RALYL: variants seen among roughly 807,000 people sequenced by gnomAD.
RALYL encodes the protein RNA-binding Raly-like protein.
A neutral mutation model predicts 35.1 loss-of-function variants in RALYL; 29 were observed. The ratio of observed to expected loss-of-function variants is 0.83; its 90% CI spans 0.61 to 1.13. The LOEUF is 1.13. Ranked by LOEUF, RALYL falls within the 50% of genes most tolerant of loss-of-function variation. The probability of loss-of-function intolerance (pLI) is 0.00; values close to 1 mark genes in which losing one functional copy is unlikely to be tolerated. For synonymous variants in RALYL, 120 were observed against 127.6 expected (o/e 0.94, Z 0.40); for missense variants, 359 against 360.4 (o/e 1.00, Z 0.03).
intron 1 of RALYL, among the ~76,000 whole-genome samples, chr8:84,208,845 C>G (rs759512040): frequency 1.4e-4 from 21 of 151,858 alleles, no homozygotes; most frequent in Non-Finnish European, 1.6e-4. Flanking sequence ...CGGAAACTTT[C>G]CTTTTGTGAT....
chr8:84,844,985 G>A (rs1834308195), intron 4 of RALYL, among the ~76,000 whole-genome samples: 1 of 152,008 alleles, frequency 6.6e-6, no homozygotes, highest in Non-Finnish European at 1.5e-5. Context: ...GGGGAAGGGG[G>A]GAGGGATACC....
At chr8:84,747,459 G>A (rs1808884657) in intron 2 of RALYL, among the ~76,000 whole-genome samples, 2 of 151,696 alleles carry the variant, frequency 1.3e-5, no homozygotes, top group Admixed American at 6.6e-5. Flanking sequence ...TCTCTATATA[G>A]TTAATCTCAT....
intron 2 of RALYL, among the ~76,000 whole-genome samples, chr8:84,728,043 C>A (rs996497345): frequency 1.3e-5 from 2 of 151,646 alleles, no homozygotes; most frequent in African/African-American, 2.4e-5. Context: ...CCTGAGGAAT[C>A]GCCACACTGA....
intron 2 of RALYL, among the ~76,000 whole-genome samples, chr8:84,618,071 C>G (rs1056929707): frequency 3.3e-5 from 5 of 151,774 alleles, no homozygotes; most frequent in Admixed American, 1.3e-4. Flanking sequence ...GGTTGTGTCT[C>G]TGCCCGGCTT....
chr8:84,734,935 G>C (rs925415351), intron 2 of RALYL, among the ~76,000 whole-genome samples: 1 of 151,598 alleles, frequency 6.6e-6, no homozygotes, highest in Non-Finnish European at 1.5e-5. Context: ...GAATAATACT[G>C]CTATAAATCA....
chr8:84,212,603 A>C (rs1351695009), intron 1 of RALYL, among the ~76,000 whole-genome samples: 1 of 152,192 alleles, frequency 6.6e-6, no homozygotes, highest in African/African-American at 2.4e-5. Context: ...TTCAGGAAAC[A>C]AGACTTGATA....
chr8:84,674,499 T>G, intron 2 of RALYL, among the ~76,000 whole-genome samples: 1 of 152,176 alleles, frequency 6.6e-6, no homozygotes, highest in East Asian at 1.9e-4. Flanking sequence ...AGTATGATAT[T>G]GGCTGTGACT....
intron 1 of RALYL, among the ~76,000 whole-genome samples, chr8:84,368,509 T>G (rs1481097087): frequency 6.6e-6 from 1 of 152,146 alleles, no homozygotes; most frequent in Non-Finnish European, 1.5e-5. Flanking sequence ...AAGATATACC[T>G]GAGACTGGCC....
intron 2 of RALYL, among the ~76,000 whole-genome samples, chr8:84,576,795 G>T (rs1364585400): frequency 6.6e-6 from 1 of 152,194 alleles, no homozygotes; most frequent in East Asian, 1.9e-4. Context: ...AAGAGTAAGA[G>T]TAATATCTGG....
intron 2 of RALYL, among the ~76,000 whole-genome samples, chr8:84,647,137 C>A (rs994676380): frequency 6.6e-6 from 1 of 151,938 alleles, no homozygotes; most frequent in Admixed American, 6.6e-5. Context: ...GTTCTCCAAG[C>A]CTATAGGTCT....
chr8:84,338,066 G>A (rs1329288136), intron 1 of RALYL, among the ~76,000 whole-genome samples: 2 of 151,844 alleles, frequency 1.3e-5, no homozygotes, highest in Non-Finnish European at 2.9e-5. Context: ...CCCGTACTCA[G>A]GTTTTGTAAA....
intron 1 of RALYL, among the ~76,000 whole-genome samples, chr8:84,490,327 C>G (rs2055141930): frequency 2.0e-5 from 3 of 151,850 alleles, no homozygotes; most frequent in African/African-American, 7.3e-5. Flanking sequence ...TCACATAAAG[C>G]AAGCAAATCC....
At chr8:84,261,556 T>G (rs1367203096) in intron 1 of RALYL, among the ~76,000 whole-genome samples, 1 of 152,166 alleles carries the variant, frequency 6.6e-6, no homozygotes, top group East Asian at 1.9e-4. Context: ...GTGAGTCAAT[T>G]AAACCTCTTT....
chr8:84,790,536 G>A (rs1820531929), intron 3 of RALYL, among the ~76,000 whole-genome samples: 2 of 152,220 alleles, frequency 1.3e-5, no homozygotes, highest in South Asian at 2.1e-4. Context: ...ATAAATTTGT[G>A]GATGTAGTCA....
intron 6 of RALYL, among the ~76,000 whole-genome samples, chr8:84,871,935 T>A (rs1840268990): frequency 7.8e-6 from 1 of 127,808 alleles, no homozygotes; most frequent in Admixed American, 8.2e-5. Flanking sequence ...GCATTTTGTT[T>A]TTGTTTTTTT....
intron 1 of RALYL, among the ~76,000 whole-genome samples, chr8:84,283,849 A>T (rs985080323): frequency 3.3e-5 from 5 of 152,162 alleles, no homozygotes; most frequent in Non-Finnish European, 7.4e-5. Flanking sequence ...TATTTATCAC[A>T]TAATTCTCAC....
At chr8:84,589,129 C>G (rs907078149) in intron 2 of RALYL, among the ~76,000 whole-genome samples, 31 of 152,128 alleles carry the variant, frequency 2.0e-4, no homozygotes, top group Non-Finnish European at 4.0e-4. Flanking sequence ...AACTCCCAAC[C>G]TTAGATGATC....
At position 84,830,026 on chromosome 8, in the gene RALYL, G is replaced by C. The variant is rs895015011; in HGVS notation, c.366-19954G>C. ...ATTTCAGCACTATACTGGGGGGGGG[G>C]GGGCATTTTAAGCTGCAAAATCACC... On this transcript the variant is annotated intron_variant, in intron 4 of 8. Coordinates refer to ENST00000521268, the MANE Select transcript of RALYL (RefSeq NM_173848.7). Among the ~76,000 whole-genome samples the C allele has an allele frequency of 1.2e-3, 161 of 137,948 alleles. 1 individual carries two copies. The highest frequency in any genetic ancestry group is 7.6e-3 in the Middle Eastern group (2 of 264). The allele number at this position is 137,948 out of a possible 152,430, so 90.5% of individuals were successfully genotyped here.
chr8:84,804,709 G>A, intron 3 of RALYL, 61 bp from the exon 4 acceptor site: 1 of 873,676 alleles, frequency 1.1e-6, no homozygotes, highest in Non-Finnish European at 1.6e-6. Context: ...TCATGTAAAA[G>A]CAATTTTTGA....
Sources: gnomAD v4.1 joint callset for allele counts (sites outside exome capture counted in the v4.1 genomes callset) on GRCh38, gnomAD v4.1.1 for gene constraint, MANE v1.5 for transcripts, NCBI Gene and HGNC (gene_info 2026-07-23, HGNC 2026-07-21) for gene names.